The following GPC5 variants were observed in gnomAD, a reference collection of about 807,000 sequenced individuals.
GPC5 encodes glypican-5.
In GPC5, 47 loss-of-function variants were observed where a neutral mutation model predicts 53.9. The observed-to-expected ratio is 0.87, with a 90% CI of 0.69 to 1.11. The LOEUF (loss-of-function observed/expected upper bound fraction) is 1.11. Ranked by LOEUF, GPC5 falls within the 50% of genes most tolerant of loss-of-function variation. The pLI is 0.00. For synonymous variants in GPC5, 286 were observed against 263.3 expected (o/e 1.09, Z -0.84); for missense variants, 748 against 713.1 (o/e 1.05, Z -0.56).
intron 7 of GPC5, among the ~76,000 whole-genome samples, chr13:92,657,136 T>C (rs1886163920): frequency 6.6e-6 from 1 of 152,194 alleles, no homozygotes; most frequent in South Asian, 2.1e-4. Context: ...AATATTTAAC[T>C]GAGCTTTGCA....
chr13:92,423,145 C>A, intron 7 of GPC5, among the ~76,000 whole-genome samples: 1 of 152,122 alleles, frequency 6.6e-6, no homozygotes, highest in East Asian at 1.9e-4. Flanking sequence ...TCTATAAGTA[C>A]ACTAATCTAT....
chr13:91,858,055 G>T (rs76087997), intron 5 of GPC5, among the ~76,000 whole-genome samples: 1 of 151,496 alleles, frequency 6.6e-6, no homozygotes, highest in African/African-American at 2.4e-5. Context: ...TTCATAGGTT[G>T]GTTGTTTATT....
chr13:92,494,665 T>C (rs1373853130), intron 7 of GPC5, among the ~76,000 whole-genome samples: 1 of 152,190 alleles, frequency 6.6e-6, no homozygotes, highest in Non-Finnish European at 1.5e-5. Context: ...CATTAGTTTA[T>C]TTTTAAATTA....
At chr13:92,858,208 G>A (rs1176126579) in intron 7 of GPC5, among the ~76,000 whole-genome samples, 2 of 152,146 alleles carry the variant, frequency 1.3e-5, no homozygotes, top group Non-Finnish European at 2.9e-5. Flanking sequence ...GGAGGTAATT[G>A]AATCATGGGG....
At chr13:91,491,762 G>C (rs929040120) in intron 2 of GPC5, among the ~76,000 whole-genome samples, 1 of 152,082 alleles carries the variant, frequency 6.6e-6, no homozygotes, top group Non-Finnish European at 1.5e-5. Context: ...CATCTTCTTT[G>C]TGTGGGTGTC....
intron 2 of GPC5, among the ~76,000 whole-genome samples, chr13:91,573,578 G>T (rs73614536): frequency 0.017 from 2,657 of 152,226 alleles, 100 homozygotes; most frequent in African/African-American, 0.061. Context: ...CTTATATTCA[G>T]TATAACACTG....
At chr13:91,676,909 A>G (rs1293092272) in intron 2 of GPC5, among the ~76,000 whole-genome samples, 1 of 152,232 alleles carries the variant, frequency 6.6e-6, no homozygotes, top group Non-Finnish European at 1.5e-5. Context: ...CTGCTTTTTA[A>G]GGCCGTTGGA....
At chr13:92,516,081 A>G (rs1373614839) in intron 7 of GPC5, among the ~76,000 whole-genome samples, 1 of 152,026 alleles carries the variant, frequency 6.6e-6, no homozygotes, top group East Asian at 1.9e-4. Context: ...GATCCCTGAG[A>G]CCCTTTCTCA....
chr13:92,526,398 C>T (rs144316022), intron 7 of GPC5, among the ~76,000 whole-genome samples: 1,863 of 152,126 alleles, frequency 0.012, 20 homozygotes, highest in Non-Finnish European at 0.018. Flanking sequence ...CCCCCAACTC[C>T]AAAAGGAATT....
At chr13:91,714,180 G>A (rs2036285717) in intron 3 of GPC5, among the ~76,000 whole-genome samples, 1 of 152,100 alleles carries the variant, frequency 6.6e-6, no homozygotes. Context: ...TCCTTGGTTA[G>A]CCTGGAGTTA....
chr13:92,527,152 GA>G (rs1233969894), intron 7 of GPC5, among the ~76,000 whole-genome samples: 3 of 110,364 alleles, frequency 2.7e-5, no homozygotes, highest in Non-Finnish European at 3.9e-5. Flanking sequence ...AAGAAAGAAA[GA>G]AAGAAAGAAA....
chr13:92,187,906 C>T (rs1219490700), intron 7 of GPC5, among the ~76,000 whole-genome samples: 7 of 152,120 alleles, frequency 4.6e-5, no homozygotes, highest in Non-Finnish European at 1.0e-4. Context: ...TTCTTTACTC[C>T]CTTCAAGATC....
chr13:91,402,931 G>A (rs1249142422), intron 1 of GPC5, among the ~76,000 whole-genome samples: 1 of 152,208 alleles, frequency 6.6e-6, no homozygotes, highest in Non-Finnish European at 1.5e-5. Flanking sequence ...AAACAAGGCT[G>A]CGCTGCTGCT....
At chr13:92,684,066 T>C (rs1189829753) in intron 7 of GPC5, among the ~76,000 whole-genome samples, 1 of 152,102 alleles carries the variant, frequency 6.6e-6, no homozygotes, top group Non-Finnish European at 1.5e-5. Context: ...CTCTACCTAG[T>C]TATTCCTCCT....
intron 7 of GPC5, among the ~76,000 whole-genome samples, chr13:92,369,732 A>C (rs1566560285): frequency 1.3e-5 from 2 of 152,196 alleles, no homozygotes; most frequent in Non-Finnish European, 2.9e-5. Flanking sequence ...GCCTAATCAC[A>C]CACCATTAAC....
chr13:91,470,044 A>G (rs1310602739), intron 2 of GPC5, among the ~76,000 whole-genome samples: 3 of 152,160 alleles, frequency 2.0e-5, no homozygotes, highest in Non-Finnish European at 2.9e-5. Flanking sequence ...GTCTCAAAAC[A>G]ACAATAACAA....
chr13:92,682,695 T>C (rs1172796320), intron 7 of GPC5, among the ~76,000 whole-genome samples: 1 of 152,220 alleles, frequency 6.6e-6, no homozygotes, highest in Non-Finnish European at 1.5e-5. Context: ...AAAAGATCTA[T>C]AACAAGTTTA....
At chr13:91,524,775 A>G (rs1437143942) in intron 2 of GPC5, among the ~76,000 whole-genome samples, 1 of 152,176 alleles carries the variant, frequency 6.6e-6, no homozygotes, top group Non-Finnish European at 1.5e-5. Context: ...CCCTTTCCCA[A>G]GGCATTTGCT....
chr13:92,413,997 C>G (rs1876169051), intron 7 of GPC5, among the ~76,000 whole-genome samples: 1 of 151,964 alleles, frequency 6.6e-6, no homozygotes, highest in Non-Finnish European at 1.5e-5. Flanking sequence ...CATTCTATAA[C>G]TAGGAGTTAT....
Sources: allele counts gnomAD v4.1 joint callset (sites outside exome capture counted in the v4.1 genomes callset), GRCh38; gene constraint gnomAD v4.1.1; transcripts MANE v1.5; gene names NCBI Gene and HGNC (gene_info 2026-07-23, HGNC 2026-07-21).